Variants in ZNF654 observed in about 807,000 individuals in gnomAD.
ZNF654 encodes the protein zinc finger protein 654.
Under a neutral mutation model 95.3 loss-of-function variants are expected in ZNF654, and 19 were observed. That is an observed-to-expected ratio of 0.20 (90% CI 0.14 to 0.29). ZNF654 has a LOEUF of 0.29. Among genes scored for constraint, ZNF654 ranks in the 10% least tolerant of loss-of-function variants. The pLI is 1.00. For synonymous variants in ZNF654, 413 were observed against 457.9 expected (o/e 0.90, Z 1.25); for missense variants, 1,046 against 1,341.0 (o/e 0.78, Z 3.44).
intron 1 of ZNF654, among the ~76,000 whole-genome samples, chr3:88,059,770 G>A (rs1454151638): frequency 6.6e-6 from 1 of 152,066 alleles, no homozygotes; most frequent in African/African-American, 2.4e-5. Context: ...TCGGCTGTCC[G>A]GAAAGCTCTG....
intron 3 of ZNF654, among the ~76,000 whole-genome samples, chr3:88,114,558 T>C (rs1705275415): frequency 6.6e-6 from 1 of 152,186 alleles, no homozygotes; most frequent in Admixed American, 6.6e-5. Context: ...TGGCTGATTC[T>C]AATTTCCATA....
intron 2 of ZNF654, among the ~76,000 whole-genome samples, chr3:88,100,430 G>C (rs574920877): frequency 2.0e-5 from 3 of 152,218 alleles, no homozygotes; most frequent in Admixed American, 6.6e-5. Flanking sequence ...CCTCAGGGAT[G>C]TAGAACTAGA....
intron 2 of ZNF654, among the ~76,000 whole-genome samples, chr3:88,098,441 A>C (rs1361344069): frequency 6.6e-6 from 1 of 152,218 alleles, no homozygotes; most frequent in Non-Finnish European, 1.5e-5. Context: ...AAACTATTCC[A>C]ATCAATAGAA....
intron 2 of ZNF654, among the ~76,000 whole-genome samples, chr3:88,092,683 AAAT>A (rs1478894469): frequency 1.3e-5 from 2 of 152,206 alleles, no homozygotes; most frequent in African/African-American, 2.4e-5. Flanking sequence ...GAAGTTTATT[AAAT>A]AATGTTATAA....
intron 2 of ZNF654, among the ~76,000 whole-genome samples, chr3:88,097,117 C>A (rs1255689979): frequency 1.3e-5 from 2 of 152,044 alleles, no homozygotes; most frequent in African/African-American, 4.8e-5. Flanking sequence ...TATCAACAAC[C>A]CTTTAATGAA....
At chr3:88,080,038 T>C (rs545882547) in intron 1 of ZNF654, among the ~76,000 whole-genome samples, 44 of 152,178 alleles carry the variant, frequency 2.9e-4, no homozygotes, top group East Asian at 7.7e-4. Flanking sequence ...TCTTTTTTTT[T>C]CCAAACAATT....
intron 2 of ZNF654, among the ~76,000 whole-genome samples, chr3:88,098,698 AT>A: frequency 6.6e-6 from 1 of 152,344 alleles, no homozygotes; most frequent in Middle Eastern, 3.4e-3. Context: ...AATAAACGTA[AT>A]CCAGCATATA....
At chr3:88,072,514 C>T (rs1156724263) in intron 1 of ZNF654, among the ~76,000 whole-genome samples, 2 of 152,096 alleles carry the variant, frequency 1.3e-5, no homozygotes, top group Non-Finnish European at 2.9e-5. Flanking sequence ...TACATATCTG[C>T]TTCTTGGCTT....
chr3:88,089,116 C>T (rs374797151), intron 2 of ZNF654, among the ~76,000 whole-genome samples: 28 of 150,218 alleles, frequency 1.9e-4, no homozygotes, highest in East Asian at 1.6e-3. Context: ...TTTGTGATGC[C>T]GGAAGGAATA....
chr3:88,123,042 G>GA (rs1396335635), intron 3 of ZNF654, among the ~76,000 whole-genome samples: 1 of 150,206 alleles, frequency 6.7e-6, no homozygotes, highest in East Asian at 1.9e-4. Context: ...AAGAAAAAAA[G>GA]AAAAATACAA....
Position 88,070,535 on chromosome 3 carries a change from C to T in ZNF654, c.186+11030C>T, listed in dbSNP as rs143414271. On this transcript the variant is annotated intron_variant, in intron 1 of 8. Coordinates refer to ENST00000636215, the MANE Select transcript of ZNF654 (RefSeq NM_001350134.2). ...AAAAAAGTTATGAACCTTTGCTATA[C>T]GCCACTGTGGCAAAGGCAACACTGC... Among the ~76,000 whole-genome samples, 360 of 147,786 alleles carry T rather than the reference C, an allele frequency of 2.4e-3. 3 individuals are homozygous for T. The highest frequency in any genetic ancestry group is 2.9e-3 in the African/African-American group (115 of 39,290).
intron 2 of ZNF654, among the ~76,000 whole-genome samples, chr3:88,087,111 C>T (rs1337010072): frequency 6.6e-6 from 1 of 150,426 alleles, no homozygotes; most frequent in Non-Finnish European, 1.5e-5. Flanking sequence ...GACAGAGTCT[C>T]TCTGTCACCC....
chr3:88,135,465 C>A (rs1215359778), intron 7 of ZNF654: 2 of 238,734 alleles, frequency 8.4e-6, no homozygotes, highest in Non-Finnish European at 1.6e-5. Context: ...TTGTTACTTT[C>A]AATATTATCC....
At chr3:88,071,078 C>T (rs570748518) in intron 1 of ZNF654, among the ~76,000 whole-genome samples, 2 of 152,298 alleles carry the variant, frequency 1.3e-5, no homozygotes, top group African/African-American at 4.8e-5. Flanking sequence ...TGCATATCAT[C>T]CTGTCATCCT....
chr3:88,083,625 C>T (rs894810217), intron 1 of ZNF654, among the ~76,000 whole-genome samples: 4 of 152,158 alleles, frequency 2.6e-5, no homozygotes, highest in African/African-American at 9.7e-5. Context: ...AGGGTTTCCA[C>T]GATCCATAAA....
chr3:88,112,448 T>G (rs1705150357), intron 2 of ZNF654, among the ~76,000 whole-genome samples: 1 of 151,904 alleles, frequency 6.6e-6, no homozygotes, highest in African/African-American at 2.4e-5. Context: ...TCATGTTCCT[T>G]TCTTTATGAA....
chr3:88,066,703 CAAGT>C (rs1254428848), intron 1 of ZNF654, among the ~76,000 whole-genome samples: 1 of 152,086 alleles, frequency 6.6e-6, no homozygotes, highest in African/African-American at 2.4e-5. Flanking sequence ...CTGCCAAACA[CAAGT>C]AAGGCACCAT....
rs1178485513 is a variant in ZNF654, at chr3:88,125,891, C to T, written c.415-243C>T. On this transcript the variant is annotated intron_variant, in intron 3 of 8. Coordinates refer to ENST00000636215, the MANE Select transcript of ZNF654 (RefSeq NM_001350134.2). ...GAAATGATGTGTCCTTTAGGTTACA[C>T]GTCATCCCTATTTGGGATTTTCTAA... Among the ~76,000 whole-genome samples the T allele has an allele frequency of 8.5e-5, 13 of 152,148 alleles. 1 individual carries two copies. Among genetic ancestry groups the T allele is most frequent in the Admixed American group, 7.9e-4 (12 of 15,272 alleles).
chr3:88,072,564 T>A lies in ZNF654; in HGVS notation c.186+13059T>A, dbSNP rs531165760. Reference sequence around the variant, plus strand: ...AGAAACATGTTTCATTTGGATATTATATAGTTTGCTGTGGGATCCTCCACA... The same window carrying A: ...AGAAACATGTTTCATTTGGATATTAAATAGTTTGCTGTGGGATCCTCCACA... On this transcript the variant is annotated intron_variant, in intron 1 of 8. Transcript: ENST00000636215. 2.6e-5 allele frequency among the ~76,000 whole-genome samples: 4 copies of A among 152,320 alleles called. No individual in the cohort carries two copies. The South Asian group carries it at 8.3e-4, about 32-fold the overall frequency.
Sources: allele counts gnomAD v4.1 joint callset (sites outside exome capture counted in the v4.1 genomes callset), GRCh38; gene constraint gnomAD v4.1.1; transcripts MANE v1.5; gene names NCBI Gene and HGNC (gene_info 2026-07-23, HGNC 2026-07-21).